Variants in DMD observed in about 807,000 individuals in gnomAD.
DMD encodes the protein dystrophin, also known as mutant dystrophin.
DMD carries 63 observed loss-of-function variants against 330.1 expected under a neutral mutation model. The observed-to-expected ratio is 0.19, with a 90% CI of 0.16 to 0.24. The LOEUF is 0.24. Ranked by LOEUF, DMD falls within the 10% of genes least tolerant of loss-of-function variation. The probability of loss-of-function intolerance (pLI) is 1.00; values close to 1 mark genes in which losing one functional copy is unlikely to be tolerated. For synonymous variants in DMD, 1,223 were observed against 959.8 expected, an observed-to-expected ratio of 1.27 and a Z score of -5.07; for missense variants, 3,344 against 2,684.1, an observed-to-expected ratio of 1.25 and a Z score of -5.43.
intron 47 of DMD, among the ~76,000 whole-genome samples, chrX:31,890,932 C>T (rs937392213): frequency 3.6e-5 from 4 of 111,804 alleles, no homozygotes; most frequent in Non-Finnish European, 7.5e-5. Flanking sequence ...GCATGACCTA[C>T]ATAACTCACA....
At chrX:32,712,885 G>A (rs1158144949) in intron 7 of DMD, among the ~76,000 whole-genome samples, 2 of 111,233 alleles carry the variant, frequency 1.8e-5, no homozygotes. Flanking sequence ...TTGTAATAAA[G>A]TATTTAAATG....
intron 4 of DMD, among the ~76,000 whole-genome samples, chrX:32,841,533 CA>C (rs1176371781): frequency 1.8e-5 from 2 of 111,639 alleles, no homozygotes. Context: ...AATTGAAGTG[CA>C]AAAACAGACC....
chrX:32,335,660 A>C (rs2097704937), intron 41 of DMD, among the ~76,000 whole-genome samples: 1 of 108,649 alleles, frequency 9.2e-6, no homozygotes, highest in Non-Finnish European at 1.9e-5. Flanking sequence ...TATATACATA[A>C]CATATACATA....
At chrX:32,751,769 TGGGCTAGGCCCAGGG>T (rs2070850069) in intron 7 of DMD, among the ~76,000 whole-genome samples, 1 of 112,199 alleles carries the variant, frequency 8.9e-6, no homozygotes, top group Non-Finnish European at 1.9e-5. Flanking sequence ...AATGGTTTTG[TGGGCTAGGCCCAGGG>T]TCCCTCTGTG....
At chrX:31,378,527 A>C (rs1322150452) in intron 60 of DMD, among the ~76,000 whole-genome samples, 2 of 110,709 alleles carry the variant, frequency 1.8e-5, no homozygotes, top group African/African-American at 6.6e-5. Context: ...CTTGGTATTT[A>C]ATCACGCGGG....
intron 12 of DMD, among the ~76,000 whole-genome samples, chrX:32,598,032 G>A (rs2055766824): frequency 8.9e-6 from 1 of 112,108 alleles, no homozygotes; most frequent in Non-Finnish European, 1.9e-5. Context: ...CTCTATGGCA[G>A]GTGGAAGGGA....
chrX:31,203,593 A>G (rs1479382118), intron 67 of DMD, among the ~76,000 whole-genome samples: 1 of 112,382 alleles, frequency 8.9e-6, no homozygotes, highest in Non-Finnish European at 1.9e-5. Flanking sequence ...AGGAGGCTAT[A>G]ATGATAGAAT....
intron 44 of DMD, among the ~76,000 whole-genome samples, chrX:32,059,421 TA>T (rs1342939621): frequency 2.7e-5 from 3 of 111,134 alleles, no homozygotes; most frequent in Non-Finnish European, 3.8e-5. Context: ...GGGAGCACCA[TA>T]AACACATATA....
intron 43 of DMD, among the ~76,000 whole-genome samples, chrX:32,225,219 G>A (rs773839555): frequency 1.1e-4 from 12 of 111,904 alleles, no homozygotes; most frequent in Admixed American, 1.9e-4. Context: ...TTTGTGGGCC[G>A]TATGGTTTTT....
chrX:33,038,193 A>G (rs1419885811), intron 1 of DMD, among the ~76,000 whole-genome samples: 1 of 112,302 alleles, frequency 8.9e-6, no homozygotes, highest in Non-Finnish European at 1.9e-5. Context: ...AAATATAAAT[A>G]CATGCATGAA....
At chrX:32,082,435 T>TCTAC (rs2096401069) in intron 44 of DMD, among the ~76,000 whole-genome samples, 1 of 108,585 alleles carries the variant, frequency 9.2e-6, no homozygotes, top group South Asian at 4.0e-4. Flanking sequence ...TATCTATCTA[T>TCTAC]CTATTTTGTA....
chrX:32,934,725 C>T (rs1309539179), intron 2 of DMD, among the ~76,000 whole-genome samples: 1 of 111,605 alleles, frequency 9.0e-6, no homozygotes, highest in African/African-American at 3.3e-5. Context: ...AGCAACAACT[C>T]ACACCTGAAC....
intron 29 of DMD, among the ~76,000 whole-genome samples, chrX:32,425,638 C>T (rs1569562137): frequency 1.8e-5 from 2 of 111,364 alleles, no homozygotes. Flanking sequence ...CTTAATCTCA[C>T]AGTTGTTCCT....
At chrX:31,284,526 C>T (rs1160338468) in intron 62 of DMD, among the ~76,000 whole-genome samples, 1 of 103,037 alleles carries the variant, frequency 9.7e-6, no homozygotes, top group East Asian at 3.1e-4. Flanking sequence ...GAAACACAAA[C>T]TCCTTCTTTA....
At chrX:31,552,882 T>C in intron 55 of DMD, among the ~76,000 whole-genome samples, 1 of 111,784 alleles carries the variant, frequency 8.9e-6, no homozygotes, top group South Asian at 3.8e-4. Context: ...GTGCTGGGTA[T>C]TTAGTACTGA....
At chrX:32,443,977 T>C (rs996534930) in intron 27 of DMD, among the ~76,000 whole-genome samples, 1 of 110,856 alleles carries the variant, frequency 9.0e-6, no homozygotes, top group Non-Finnish European at 1.9e-5. Flanking sequence ...AACATGTATA[T>C]AGAACCTCAG....
At chrX:31,927,030 CT>C (rs1266720457) in intron 47 of DMD, among the ~76,000 whole-genome samples, 2 of 111,720 alleles carry the variant, frequency 1.8e-5, no homozygotes, top group African/African-American at 6.5e-5. Context: ...TTTTCTTTTA[CT>C]TTTAAAAAAA....
At chrX:31,419,234 T>C (rs940096783) in intron 60 of DMD, among the ~76,000 whole-genome samples, 7 of 103,380 alleles carry the variant, frequency 6.8e-5, no homozygotes, top group African/African-American at 2.5e-4. Context: ...GTGAGCCACA[T>C]TGCCTGGCCT....
chrX:32,177,526 G>A (rs1231999730), intron 44 of DMD, among the ~76,000 whole-genome samples: 3 of 111,534 alleles, frequency 2.7e-5, no homozygotes, highest in African/African-American at 6.5e-5. Flanking sequence ...GTTTTGTGTG[G>A]CCAAGTCTAT....
Sources: allele counts gnomAD v4.1 joint callset (sites outside exome capture counted in the v4.1 genomes callset), GRCh38; gene constraint gnomAD v4.1.1; transcripts MANE v1.5; gene names NCBI Gene and HGNC (gene_info 2026-07-23, HGNC 2026-07-21).